Variants in MAP2 observed in about 807,000 individuals in gnomAD.
MAP2 encodes microtubule-associated protein 2.
In MAP2, 14 loss-of-function variants were observed where a neutral mutation model predicts 137.6. The observed-to-expected ratio is 0.10, with a 90% CI of 0.07 to 0.16. The LOEUF (loss-of-function observed/expected upper bound fraction) is 0.16. Ranked by LOEUF, MAP2 falls within the 10% of genes least tolerant of loss-of-function variation. MAP2 has a pLI of 1.00. For synonymous variants in MAP2, 786 were observed against 782.3 expected, an observed-to-expected ratio of 1.00 and a Z score of -0.08; for missense variants, 2,088 against 2,191.5, an observed-to-expected ratio of 0.95 and a Z score of 0.94.
At chr2:209,567,758 ATAATGT>A (rs1358194345) in intron 2 of MAP2, among the ~76,000 whole-genome samples, 3 of 152,060 alleles carry the variant, frequency 2.0e-5, no homozygotes, top group Admixed American at 2.0e-4. Context: ...CAACTTAATG[ATAATGT>A]TGAGAAGGAA....
intron 13 of MAP2, chr2:209,722,030 T>G (rs916985047): frequency 6.6e-6 from 1 of 152,210 alleles, no homozygotes; most frequent in Admixed American, 6.5e-5. Flanking sequence ...ATAAAATGAT[T>G]TGCCTTTAGA....
chr2:209,653,790 A>G (rs1327926308), intron 5 of MAP2, among the ~76,000 whole-genome samples: 3 of 152,204 alleles, frequency 2.0e-5, no homozygotes, highest in Admixed American at 2.0e-4. Flanking sequence ...CAATGGATTG[A>G]TTAGAAGCAT....
chr2:209,531,108 G>C (rs1373691358), intron 2 of MAP2, among the ~76,000 whole-genome samples: 1 of 152,056 alleles, frequency 6.6e-6, no homozygotes, highest in East Asian at 1.9e-4. Flanking sequence ...TTTCTGATTA[G>C]TGGCCAACAT....
At chr2:209,678,864 G>A (rs184620970) in intron 6 of MAP2, among the ~76,000 whole-genome samples, 179 bp downstream of exon 6, 21 of 152,036 alleles carry the variant, frequency 1.4e-4, no homozygotes, top group Admixed American at 1.4e-3. Context: ...CTGGTTTGTT[G>A]TAGTGTTTGC....
intron 7 of MAP2, among the ~76,000 whole-genome samples, chr2:209,681,197 AG>A: frequency 6.6e-6 from 1 of 152,290 alleles, no homozygotes; most frequent in East Asian, 1.9e-4. Flanking sequence ...CCATAATAGT[AG>A]GGGTCAGATT....
intron 3 of MAP2, among the ~76,000 whole-genome samples, chr2:209,593,733 A>G (rs1228977016): frequency 2.9e-4 from 1 of 3,462 alleles, no homozygotes; most frequent in Non-Finnish European, 7.1e-4. Flanking sequence ...AATATATAAT[A>G]TAATACATTA....
At chr2:209,689,926 A>G (rs575361914) in intron 7 of MAP2, among the ~76,000 whole-genome samples, 33 of 152,282 alleles carry the variant, frequency 2.2e-4, no homozygotes, top group African/African-American at 7.2e-4. Context: ...CTCCAACATC[A>G]TACAATGCAA....
At chr2:209,484,142 C>T (rs77736443) in intron 1 of MAP2, among the ~76,000 whole-genome samples, 4,802 of 152,126 alleles carry the variant, frequency 0.032, 254 homozygotes, top group African/African-American at 0.11. Context: ...AAAGAAAATG[C>T]ATTTGCATTT....
In MAP2 at chr2:209,693,227, C is replaced by G. The variant is rs371836048; in HGVS notation, c.1057C>G (p.Leu353Val). ...AFLQPDDKKS[L>V]QQTSGPATAK... ...TTTACAGCCAGATGACAAAAAATCT[C>G]TGCAACAAACCAGTGGCCCAGCTAC... Residue 353 changes from leucine to valine, a missense_variant, in exon 8 of 16, where the codon CTG (leucine) becomes GTG (valine). Physicochemically the swap from Leu to Val is conservative, Grantham distance 32. This residue lies in a region of MAP2 where 859 missense variants were observed against 794.5 expected (regional missense o/e 1.08). Coordinates refer to ENST00000682079, the MANE Select transcript of MAP2 (RefSeq NM_001375505.1). 2 of 1,613,844 alleles carry G rather than the reference C, an allele frequency of 1.2e-6. No homozygotes were observed. The highest frequency in any genetic ancestry group is 1.7e-6 in the Non-Finnish European group (2 of 1,179,946).
At chr2:209,529,836 A>G (rs954043468) in intron 2 of MAP2, among the ~76,000 whole-genome samples, 1 of 152,136 alleles carries the variant, frequency 6.6e-6, no homozygotes, top group Non-Finnish European at 1.5e-5. Context: ...TCACGTCTTG[A>G]CTGCTGAAGT....
At chr2:209,586,152 A>G (rs909814349) in intron 3 of MAP2, among the ~76,000 whole-genome samples, 8 of 152,176 alleles carry the variant, frequency 5.3e-5, no homozygotes, top group African/African-American at 1.9e-4. Context: ...CTCAAAGAAA[A>G]GAGAGATAAA....
At chr2:209,528,742 A>ATATATGTACATATGTATGCATATATG (rs1559281368) in intron 2 of MAP2, among the ~76,000 whole-genome samples, 1 of 145,858 alleles carries the variant, frequency 6.9e-6, no homozygotes, top group African/African-American at 2.8e-5. Context: ...ATATACATGT[A>ATATATGTACATATGTATGCATATATG]TATATGTACA....
chr2:209,438,459 A>G (rs1361005105), intron 1 of MAP2, among the ~76,000 whole-genome samples: 1 of 151,682 alleles, frequency 6.6e-6, no homozygotes, highest in Non-Finnish European at 1.5e-5. Flanking sequence ...TGTGATTAAA[A>G]CATAGTTTAT....
chr2:209,700,814 A>T (rs977197183), intron 11 of MAP2, among the ~76,000 whole-genome samples: 1 of 152,126 alleles, frequency 6.6e-6, no homozygotes, highest in South Asian at 2.1e-4. Flanking sequence ...TTTGATGTAA[A>T]ATCCTAATTT....
intron 1 of MAP2, among the ~76,000 whole-genome samples, chr2:209,459,321 T>TAG (rs1262677106): frequency 2.0e-5 from 3 of 152,182 alleles, no homozygotes; most frequent in Non-Finnish European, 4.4e-5. Context: ...TGGAAAGCCC[T>TAG]AGAACAGTGC....
In MAP2 at chr2:209,694,485, T is replaced by C; in HGVS notation, c.2315T>C (p.Val772Ala). 1 of 1,614,050 alleles carries C rather than the reference T, an allele frequency of 6.2e-7. No homozygotes were observed. Among genetic ancestry groups the C allele is most frequent in the Non-Finnish European group, 8.5e-7 (1 of 1,179,984 alleles). ...ESKEEEQIEKVKATGEESTQA... is the reference protein window; with the variant it reads ...ESKEEEQIEKAKATGEESTQA... ...AAAGAGGAAGAACAGATAGAGAAAG[T>C]AAAAGCTACTGGAGAAGAAAGTACT... Residue 772 changes from valine (V) to alanine (A), a missense_variant, in exon 8 of 16, where the codon GTA (valine) becomes GCA (alanine). By Grantham distance (64) the Val-to-Ala change is moderately conservative. This residue lies in a region of MAP2 where 500 missense variants were observed against 482.9 expected (regional missense o/e 1.04). Coordinates refer to ENST00000682079, the MANE Select transcript of MAP2 (RefSeq NM_001375505.1).
intron 3 of MAP2, among the ~76,000 whole-genome samples, chr2:209,609,704 G>T (rs1161360238): frequency 6.6e-6 from 1 of 152,134 alleles, no homozygotes; most frequent in African/African-American, 2.4e-5. Flanking sequence ...GATTTTATTA[G>T]TTCATTAATC....
intron 12 of MAP2, among the ~76,000 whole-genome samples, chr2:209,706,108 T>C (rs1430285280): frequency 6.6e-6 from 1 of 152,154 alleles, no homozygotes; most frequent in African/African-American, 2.4e-5. Context: ...GATTTCCAAG[T>C]TGTAAAATCT....
intron 5 of MAP2, among the ~76,000 whole-genome samples, chr2:209,666,981 A>G (rs1290001997): frequency 6.6e-6 from 1 of 152,014 alleles, no homozygotes; most frequent in African/African-American, 2.4e-5. Flanking sequence ...ATGTGGAAAA[A>G]CTACAGTATG....
Sources: allele counts gnomAD v4.1 joint callset (sites outside exome capture counted in the v4.1 genomes callset), GRCh38; gene constraint gnomAD v4.1.1; regional missense constraint gnomAD v4.1.1; transcripts MANE v1.5; gene names NCBI Gene and HGNC (gene_info 2026-07-23, HGNC 2026-07-21).